RAB3B: variants seen among roughly 807,000 people sequenced by gnomAD.
RAB3B encodes ras-related protein Rab-3B.
A neutral mutation model predicts 20.5 loss-of-function variants in RAB3B; 11 were observed. That is an observed-to-expected ratio of 0.54 (90% CI 0.34 to 0.89). The LOEUF (loss-of-function observed/expected upper bound fraction) is 0.89, where lower values mean the gene tolerates loss of function less well. Among genes scored for constraint, RAB3B ranks in the 40% least tolerant of loss-of-function variants. RAB3B has a pLI of 0.02. For synonymous variants in RAB3B, 99 were observed against 106.3 expected, an observed-to-expected ratio of 0.93 and a Z score of 0.42; for missense variants, 225 against 280.9, an observed-to-expected ratio of 0.80 and a Z score of 1.42.
chr1:51,974,043 T>C (rs897971394), intron 2 of RAB3B, among the ~76,000 whole-genome samples: 13 of 152,214 alleles, frequency 8.5e-5, no homozygotes, highest in African/African-American at 3.1e-4. Context: ...AAGAACTTTC[T>C]GTTTGCTGTG....
At chr1:51,967,521 C>CTTTTGTTTTTTTTTTTTT (rs1684870734) in intron 2 of RAB3B, among the ~76,000 whole-genome samples, 2 of 36,496 alleles carry the variant, frequency 5.5e-5, no homozygotes, top group East Asian at 1.5e-3. Context: ...TTTTCTTTTT[C>CTTTTGTTTTTTTTTTTTT]TTTTTTTTTT....
intron 2 of RAB3B, among the ~76,000 whole-genome samples, chr1:51,967,708 G>C (rs1684876426): frequency 6.6e-6 from 1 of 150,898 alleles, no homozygotes; most frequent in African/African-American, 2.4e-5. Flanking sequence ...ATTTTTTGTA[G>C]AGACAAGGTC....
At chr1:51,928,150 A>G (rs1240687987) in intron 4 of RAB3B, among the ~76,000 whole-genome samples, 1 of 151,960 alleles carries the variant, frequency 6.6e-6, no homozygotes, top group African/African-American at 2.4e-5. Flanking sequence ...CTTGTTGCCC[A>G]GGCTGGAGTG....
At chr1:51,989,133 A>ACACACACACACACAC (rs57025489) in intron 1 of RAB3B, among the ~76,000 whole-genome samples, 1 of 144,224 alleles carries the variant, frequency 6.9e-6, no homozygotes, top group Non-Finnish European at 1.5e-5. Context: ...ACACACACAC[A>ACACACACACACACAC]TCCTCTCCTT....
At chr1:51,954,132 T>C (rs530642268) in intron 2 of RAB3B, among the ~76,000 whole-genome samples, 28 of 152,334 alleles carry the variant, frequency 1.8e-4, no homozygotes, top group African/African-American at 4.6e-4. Flanking sequence ...GGCCAGAGAA[T>C]GGGCCTCACT....
intron 2 of RAB3B, among the ~76,000 whole-genome samples, chr1:51,967,521 C>CTTTTTTTTTCTTTTTTTTTTTTTTTTT (rs1684871040): frequency 2.7e-5 from 1 of 36,496 alleles, no homozygotes; most frequent in Admixed American, 6.3e-4. Context: ...TTTTCTTTTT[C>CTTTTTTTTTCTTTTTTTTTTTTTTTTT]TTTTTTTTTT....
intron 4 of RAB3B, among the ~76,000 whole-genome samples, chr1:51,931,086 T>C (rs1557964151): frequency 6.6e-6 from 1 of 152,076 alleles, no homozygotes; most frequent in Non-Finnish European, 1.5e-5. Flanking sequence ...TATCCAAATA[T>C]GTATTAGAAA....
chr1:51,961,765 C>A (rs1684787428), intron 2 of RAB3B, among the ~76,000 whole-genome samples: 1 of 151,960 alleles, frequency 6.6e-6, no homozygotes, highest in South Asian at 2.1e-4. Flanking sequence ...GACAGTCAGA[C>A]CTTTATTTTT....
intron 2 of RAB3B, among the ~76,000 whole-genome samples, chr1:51,963,745 C>A (rs1478016911): frequency 5.9e-5 from 9 of 152,102 alleles, no homozygotes; most frequent in Admixed American, 5.9e-4. Flanking sequence ...CACATGGAAC[C>A]CCAAGCTGCA....
chr1:51,930,883 G>T (rs375906408), intron 4 of RAB3B, among the ~76,000 whole-genome samples: 3 of 151,950 alleles, frequency 2.0e-5, no homozygotes, highest in Admixed American at 2.0e-4. Flanking sequence ...CAGGCATGGT[G>T]GTGGGTGCCT....
chr1:51,957,842 T>A (rs937264995), intron 2 of RAB3B, among the ~76,000 whole-genome samples: 5 of 152,180 alleles, frequency 3.3e-5, no homozygotes, highest in Non-Finnish European at 5.9e-5. Flanking sequence ...AAAGGGCTAA[T>A]TAAGCCTCCG....
intron 1 of RAB3B, among the ~76,000 whole-genome samples, chr1:51,979,535 T>A (rs1685056507): frequency 6.6e-6 from 1 of 151,754 alleles, no homozygotes. Context: ...CCTCCCAAAG[T>A]GCTAGGATTA....
chr1:51,960,281 T>C (rs2809949), intron 2 of RAB3B, among the ~76,000 whole-genome samples: 134,629 of 152,192 alleles, frequency 0.88, 60,363 homozygotes, highest in Non-Finnish European at 0.95. Flanking sequence ...CAGATGAATA[T>C]GACAAGAGCA....
At chr1:51,956,921 G>A (rs12738864) in intron 2 of RAB3B, among the ~76,000 whole-genome samples, 7,174 of 152,246 alleles carry the variant, frequency 0.047, 196 homozygotes, top group Middle Eastern at 0.075. Flanking sequence ...TAAAAGACCC[G>A]AGCCAGAAAG....
At chr1:51,989,096 TGC>T (rs201916237) in intron 1 of RAB3B, among the ~76,000 whole-genome samples, 1 of 33,066 alleles carries the variant, frequency 3.0e-5, no homozygotes, top group African/African-American at 7.6e-5. Flanking sequence ...CACCCACCTG[TGC>T]GCGCGCACAC....
intron 2 of RAB3B, chr1:51,973,358 A>T (rs1463122814): frequency 6.6e-6 from 1 of 152,226 alleles, no homozygotes; most frequent in Non-Finnish European, 1.5e-5. Flanking sequence ...ACACACACAT[A>T]AAAACCCTTT....
intron 2 of RAB3B, among the ~76,000 whole-genome samples, chr1:51,947,563 C>A (rs925616323): frequency 6.6e-6 from 1 of 152,260 alleles, no homozygotes; most frequent in South Asian, 2.1e-4. Context: ...CAGGGACCAA[C>A]AATCTCCCCT....
At chr1:51,972,397 G>A (rs565416743) in intron 2 of RAB3B, among the ~76,000 whole-genome samples, 5 of 151,820 alleles carry the variant, frequency 3.3e-5, no homozygotes, top group Non-Finnish European at 5.9e-5. Context: ...TAGCGTTATG[G>A]ACTGAATGTC....
intron 2 of RAB3B, among the ~76,000 whole-genome samples, chr1:51,954,129 G>T (rs1469484652): frequency 6.6e-6 from 1 of 152,216 alleles, no homozygotes; most frequent in African/African-American, 2.4e-5. Flanking sequence ...AGAGGCCAGA[G>T]AATGGGCCTC....
Sources: gnomAD v4.1 joint callset for allele counts (sites outside exome capture counted in the v4.1 genomes callset) on GRCh38, gnomAD v4.1.1 for gene constraint, MANE v1.5 for transcripts, NCBI Gene and HGNC (gene_info 2026-07-23, HGNC 2026-07-21) for gene names.